Variants in MMP26 observed in about 807,000 individuals in gnomAD.
The protein encoded by MMP26 is matrix metallopeptidase 26, also known as matrix metalloproteinase-26.
A neutral mutation model predicts 31.0 loss-of-function variants in MMP26; 33 were observed. The observed-to-expected ratio is 1.06, with a 90% CI of 0.81 to 1.42. MMP26 has a LOEUF of 1.42. Ranked by LOEUF, MMP26 falls within the 40% of genes most tolerant of loss-of-function variation. The pLI is 0.00. For missense variants in MMP26, 347 were observed against 316.1 expected, an observed-to-expected ratio of 1.10 and a Z score of -0.74; for synonymous variants, 122 against 114.9, an observed-to-expected ratio of 1.06 and a Z score of -0.40.
chr11:4,851,005 A>T (rs1341814889), intron 2 of MMP26, among the ~76,000 whole-genome samples: 4 of 152,148 alleles, frequency 2.6e-5, no homozygotes, highest in African/African-American at 9.7e-5. Flanking sequence ...ATAAATAGAA[A>T]CAGACATTCA....
intron 1 of MMP26, among the ~76,000 whole-genome samples, chr11:4,754,077 T>C (rs1309391845): frequency 6.6e-6 from 1 of 151,196 alleles, no homozygotes; most frequent in East Asian, 1.9e-4. Context: ...TTGAGTCTTA[T>C]GACAAACCTA....
Position 4,985,210 on chromosome 11 carries a change from C to T in MMP26, c.-144-2858C>T, listed in dbSNP as rs113893712. On this transcript the variant is annotated intron_variant, in intron 2 of 7. Transcript: ENST00000380390. Reference sequence around the variant, plus strand: ...ATAGATGTAAATATCAATATTTTATCATTTCCATGGAAAGAGTTTTATATT... The same window carrying T: ...ATAGATGTAAATATCAATATTTTATTATTTCCATGGAAAGAGTTTTATATT... Among the ~76,000 whole-genome samples the T allele has an allele frequency of 9.5e-3, 1,450 of 152,140 alleles. 26 individuals are homozygous for T. The highest frequency in any genetic ancestry group is 0.033 in the African/African-American group (1,385 of 41,498).
intron 1 of MMP26, among the ~76,000 whole-genome samples, chr11:4,739,332 C>A (rs1025526087): frequency 6.6e-6 from 1 of 152,142 alleles, no homozygotes; most frequent in Non-Finnish European, 1.5e-5. Flanking sequence ...AGGTGAGGTC[C>A]TAGGTGAGTT....
At chr11:4,800,687 G>T (rs1436661508) in intron 2 of MMP26, among the ~76,000 whole-genome samples, 1 of 152,158 alleles carries the variant, frequency 6.6e-6, no homozygotes, top group Non-Finnish European at 1.5e-5. Flanking sequence ...CACATTGCCA[G>T]ATTGTGACTT....
At chr11:4,914,218 G>A (rs1261167320) in intron 2 of MMP26, 1 of 156,218 alleles carries the variant, frequency 6.4e-6, no homozygotes, top group Non-Finnish European at 1.4e-5. Context: ...TGAGCCTACT[G>A]GATGGAACAC....
chr11:4,787,853 G>A (rs1470859271), intron 2 of MMP26: 2 of 152,106 alleles, frequency 1.3e-5, no homozygotes, highest in Non-Finnish European at 2.9e-5. Context: ...TTCTGCATTT[G>A]TCTCCTTTAA....
intron 2 of MMP26, among the ~76,000 whole-genome samples, chr11:4,800,437 A>G (rs556938068): frequency 6.6e-6 from 1 of 152,292 alleles, no homozygotes; most frequent in South Asian, 2.1e-4. Context: ...CAGTGTCCCA[A>G]GGCTACACAG....
chr11:4,809,725 G>A (rs946633643), intron 2 of MMP26, among the ~76,000 whole-genome samples: 1 of 152,222 alleles, frequency 6.6e-6, no homozygotes, highest in Non-Finnish European at 1.5e-5. Flanking sequence ...GGAGGACACA[G>A]TGGAAGCACT....
chr11:4,989,675 A>G lies in MMP26; in HGVS notation c.127A>G (p.Lys43Glu), dbSNP rs2499953. The change falls in exon 4 of 8, where the codon AAG (lysine) becomes GAG (glutamate). Residue 43 changes from lysine (K) to glutamate (E), a missense_variant. Coordinates refer to ENST00000380390, the MANE Select transcript of MMP26 (RefSeq NM_021801.5). ...EGYFHQFFLT[K>E]KESPLLTQET... is the part of the protein sequence containing the mutation. ...CTATTTCCATCAATTTTTCCTGACC[A>G]AGAAGGAGTCGCCACTCCTTACCCA... 73,829 of 1,612,874 alleles carry G rather than the reference A, an allele frequency of 0.046. 5,990 individuals carry two copies. The highest frequency in any genetic ancestry group is 0.28 in the East Asian group (12,549 of 44,826).
chr11:4,987,897 TC>T (rs377114214), intron 2 of MMP26, among the ~76,000 whole-genome samples, 170 bp from the exon 3 acceptor site: 141 of 152,242 alleles, frequency 9.3e-4, no homozygotes, highest in African/African-American at 3.3e-3. Flanking sequence ...TTTCTTGTTT[TC>T]CCCCCTATTT....
intron 2 of MMP26, among the ~76,000 whole-genome samples, chr11:4,978,187 GT>G (rs1846765257): frequency 6.6e-6 from 1 of 152,094 alleles, no homozygotes; most frequent in Non-Finnish European, 1.5e-5. Context: ...ATGCAGAATA[GT>G]GAGTCAATTA....
intron 2 of MMP26, chr11:4,882,416 G>A (rs1850484757): frequency 6.2e-7 from 1 of 1,613,660 alleles, no homozygotes; most frequent in Non-Finnish European, 8.5e-7. Context: ...TTTTCATGGG[G>A]GTCACGAGCT....
At chr11:4,723,834 C>G in intron 1 of MMP26, 1 of 1,545,860 alleles carries the variant, frequency 6.5e-7, no homozygotes. Flanking sequence ...TGTTATGCTG[C>G]TCCAGGAACC....
intron 2 of MMP26, among the ~76,000 whole-genome samples, chr11:4,793,086 C>A (rs539065162): frequency 6.6e-6 from 1 of 152,086 alleles, no homozygotes; most frequent in Admixed American, 6.6e-5. Flanking sequence ...TTTGAATGGG[C>A]GGGTGTGTTT....
At chr11:4,808,342 A>G (rs1489990672) in intron 2 of MMP26, among the ~76,000 whole-genome samples, 2 of 152,094 alleles carry the variant, frequency 1.3e-5, no homozygotes, top group East Asian at 3.9e-4. Context: ...GACAAAGGCA[A>G]ACATGAAGGG....
intron 2 of MMP26, among the ~76,000 whole-genome samples, chr11:4,980,092 G>A (rs1161466140): frequency 6.6e-6 from 1 of 152,018 alleles, no homozygotes; most frequent in African/African-American, 2.4e-5. Flanking sequence ...CTAAAGCTGT[G>A]GACTGAGTAT....
intron 2 of MMP26, among the ~76,000 whole-genome samples, chr11:4,927,144 A>C (rs562849378): frequency 6.6e-6 from 1 of 152,266 alleles, no homozygotes; most frequent in Admixed American, 6.5e-5. Flanking sequence ...AATGATCCTG[A>C]TGAGACTCTG....
chr11:4,722,380 A>G (rs1306304710), intron 1 of MMP26, among the ~76,000 whole-genome samples: 1 of 151,638 alleles, frequency 6.6e-6, no homozygotes, highest in Non-Finnish European at 1.5e-5. Context: ...TAATAGGTCT[A>G]CTTTTACTTA....
chr11:4,881,851 G>T (rs1269505534), intron 2 of MMP26: 4 of 1,483,608 alleles, frequency 2.7e-6, no homozygotes, highest in Admixed American at 1.7e-5. Context: ...TATATATAAA[G>T]AATCTTAATT....
Sources: gnomAD v4.1 joint callset for allele counts (sites outside exome capture counted in the v4.1 genomes callset) on GRCh38, gnomAD v4.1.1 for gene constraint, MANE v1.5 for transcripts, NCBI Gene and HGNC (gene_info 2026-07-23, HGNC 2026-07-21) for gene names.